The following EXT2 variants were observed in gnomAD, a reference collection of about 807,000 sequenced individuals.
EXT2 encodes exostosin-2.
Under a neutral mutation model 81.6 loss-of-function variants are expected in EXT2, and 53 were observed. The observed-to-expected ratio is 0.65, with a 90% confidence interval of 0.52 to 0.82. EXT2 has a LOEUF of 0.82. Among genes scored for constraint, EXT2 ranks in the 40% least tolerant of loss-of-function variants. EXT2 has a pLI of 0.00. For synonymous variants in EXT2, 320 were observed against 340.0 expected, an observed-to-expected ratio of 0.94 and a Z score of 0.65; for missense variants, 774 against 910.2, an observed-to-expected ratio of 0.85 and a Z score of 1.93.
chr11:44,240,898 G>A (rs1018525813), intron 13 of EXT2, among the ~76,000 whole-genome samples: 2 of 152,174 alleles, frequency 1.3e-5, no homozygotes, highest in East Asian at 1.9e-4. Context: ...CTGGTCTCCT[G>A]GCCTCAGACA....
intron 8 of EXT2, 88 bp downstream of exon 8, chr11:44,171,830 A>G: frequency 1.3e-6 from 2 of 1,575,556 alleles, no homozygotes; most frequent in Non-Finnish European, 1.7e-6. Context: ...TGTAAAGGTT[A>G]TTTAAATTCT....
chr11:44,240,549 A>G (rs1290955442), intron 13 of EXT2, among the ~76,000 whole-genome samples: 2 of 152,226 alleles, frequency 1.3e-5, no homozygotes, highest in Admixed American at 6.5e-5. Context: ...TGCCTGGGCA[A>G]CATAGCAAAA....
Position 44,244,393 on chromosome 11 carries a change from C to A in EXT2, c.*106C>A. On this transcript the variant is annotated 3_prime_UTR_variant, in exon 14 of 14. Coordinates refer to ENST00000533608, the MANE Select transcript of EXT2 (RefSeq NM_207122.2). ...TAGTAGGTTAAGGGTGGAAGGTTGA[C>A]CTACTTGGATCTTGGCATGCACCCA... The A allele has an allele frequency of 7.7e-7, 1 of 1,307,006 alleles. No individual in the cohort carries two copies. Among genetic ancestry groups the A allele is most frequent in the South Asian group, 1.2e-5 (1 of 82,898 alleles). 81.0% of individuals were successfully genotyped at this position (1,307,006 alleles called of 1,614,324 possible).
chr11:44,135,878 A>T (rs1178879666), intron 7 of EXT2, among the ~76,000 whole-genome samples: 1 of 152,220 alleles, frequency 6.6e-6, no homozygotes, highest in Non-Finnish European at 1.5e-5. Flanking sequence ...ATCAATTTGA[A>T]CATCAAATGT....
chr11:44,197,667 A>G (rs1955471461), intron 8 of EXT2, among the ~76,000 whole-genome samples, 162 bp from the exon 9 acceptor site: 1 of 152,152 alleles, frequency 6.6e-6, no homozygotes, highest in Non-Finnish European at 1.5e-5. Flanking sequence ...TAATTAGTCC[A>G]TGCAAATTTT....
At chr11:44,103,327 T>TA (rs1203586599) in intron 1 of EXT2, among the ~76,000 whole-genome samples, 1 of 152,120 alleles carries the variant, frequency 6.6e-6, no homozygotes, top group African/African-American at 2.4e-5. Context: ...TGGAAAAACT[T>TA]AAAAAAACAC....
At position 44,136,249 on chromosome 11, in the gene EXT2, T is replaced by A. The variant is rs568008248; in HGVS notation, c.1173+6111T>A. On this transcript the variant is annotated intron_variant, in intron 7 of 13. Transcript: ENST00000533608. Reference sequence around the variant, plus strand: ...TTTCTCCCTCCTTTCCCACCCCCAGTGTACACCAGTTTACAAAGCAGACTC... The same window carrying A: ...TTTCTCCCTCCTTTCCCACCCCCAGAGTACACCAGTTTACAAAGCAGACTC... Among the ~76,000 whole-genome samples the A allele has an allele frequency of 8.5e-5, 13 of 152,262 alleles. No homozygotes were observed. In the South Asian group the frequency reaches 2.7e-3, roughly 32 times the overall value.
intron 9 of EXT2, among the ~76,000 whole-genome samples, chr11:44,200,151 T>C (rs1402128749): frequency 7.6e-6 from 1 of 131,864 alleles, no homozygotes; most frequent in African/African-American, 2.8e-5. Context: ...ATATATATTA[T>C]AAAAAAAAAA....
intron 8 of EXT2, among the ~76,000 whole-genome samples, chr11:44,187,787 GAAGT>G (rs977295775): frequency 6.6e-6 from 1 of 152,106 alleles, no homozygotes; most frequent in African/African-American, 2.4e-5. Context: ...ACAGATGAAG[GAAGT>G]GAGACATATT....
chr11:44,119,170 A>G (rs1954276925), intron 4 of EXT2, among the ~76,000 whole-genome samples: 2 of 43,148 alleles, frequency 4.6e-5, no homozygotes, highest in South Asian at 1.3e-3. Context: ...ATATATATAT[A>G]CACATACACA....
In EXT2 at chr11:44,212,928, CT is replaced by C. The variant is rs1232239437; in HGVS notation, c.1662+5973del. On this transcript the variant is annotated intron_variant, in intron 10 of 13. Coordinates refer to ENST00000533608, the MANE Select transcript of EXT2 (RefSeq NM_207122.2). The stretch of plus-strand genomic sequence containing the variant: ...TTGACCACAAAAAAGCAAGAAGGAG[CT>C]TTTCAGGTGATGGAAATGTTTTATA... Among the ~76,000 whole-genome samples the C allele has an allele frequency of 1.1e-4, 17 of 152,094 alleles. No individual in the cohort carries two copies. In the East Asian group the frequency reaches 3.3e-3, roughly 29 times the overall value.
intron 10 of EXT2, among the ~76,000 whole-genome samples, chr11:44,221,117 G>C (rs562424114): frequency 6.6e-6 from 1 of 152,316 alleles, no homozygotes; most frequent in East Asian, 1.9e-4. Context: ...CCACAGAGGA[G>C]GGCACATACT....
At chr11:44,206,651 CCT>C in intron 9 of EXT2, 140 bp from the exon 10 acceptor site, 1 of 798,106 alleles carries the variant, frequency 1.3e-6, no homozygotes. Flanking sequence ...GAGAATCTCC[CCT>C]GACACAGTTC....
At position 44,199,989 on chromosome 11, in the gene EXT2, A is replaced by T. The variant is rs78685096; in HGVS notation, c.1495+1971A>T. Among the ~76,000 whole-genome samples the T allele has an allele frequency of 5.0e-3, 759 of 152,246 alleles. 6 individuals carry two copies. Among genetic ancestry groups the T allele is most frequent in the East Asian group, 0.038 (198 of 5,174 alleles). On this transcript the variant is annotated intron_variant, in intron 9 of 13. Coordinates refer to ENST00000533608, the MANE Select transcript of EXT2 (RefSeq NM_207122.2). ...TTTTACTAACAGTGGTTTTTAGGTC[A>T]GGGCTCTGGCTCTGGCGATGTGGTT... is the stretch of plus-strand genomic sequence containing the variant.
intron 7 of EXT2, among the ~76,000 whole-genome samples, chr11:44,166,966 A>G (rs1955002914): frequency 6.6e-6 from 1 of 152,254 alleles, no homozygotes; most frequent in South Asian, 2.1e-4. Context: ...TATTTAAAAC[A>G]ACTGCTTACA....
intron 7 of EXT2, among the ~76,000 whole-genome samples, chr11:44,138,155 AG>A (rs1351213303): frequency 2.0e-5 from 3 of 152,182 alleles, no homozygotes; most frequent in Non-Finnish European, 4.4e-5. Context: ...CACGGGAGGC[AG>A]GGGAGAGCTT....
chr11:44,135,780 C>G (rs903080998), intron 7 of EXT2, among the ~76,000 whole-genome samples: 2 of 152,182 alleles, frequency 1.3e-5, no homozygotes, highest in African/African-American at 2.4e-5. Context: ...CTGGATATAT[C>G]ATTATAAGAT....
intron 7 of EXT2, among the ~76,000 whole-genome samples, chr11:44,157,542 G>C (rs1240974049): frequency 6.6e-6 from 1 of 152,144 alleles, no homozygotes; most frequent in East Asian, 1.9e-4. Context: ...CCTGGCCACT[G>C]GCTGATGTTC....
At chr11:44,096,408 TGGCCGGGGGCGTGTTA>T (rs1953897914) in intron 1 of EXT2, 13 of 1,301,444 alleles carry the variant, frequency 1.0e-5, no homozygotes, top group Non-Finnish European at 1.3e-5. Context: ...GGGAACTAGA[TGGCCGGGGGCGTGTTA>T]GGCCGGGGAC....
Sources: gnomAD v4.1 joint callset for allele counts (sites outside exome capture counted in the v4.1 genomes callset) on GRCh38, gnomAD v4.1.1 for gene constraint, MANE v1.5 for transcripts, NCBI Gene and HGNC (gene_info 2026-07-23, HGNC 2026-07-21) for gene names.